The following PPP1R12B variants were observed in gnomAD, a reference collection of about 807,000 sequenced individuals.
The protein encoded by PPP1R12B is protein phosphatase 1 regulatory subunit 12B, also known as myosin phosphatase target subunit 2.
PPP1R12B carries 76 observed loss-of-function variants against 126.1 expected under a neutral mutation model. The ratio of observed to expected loss-of-function variants is 0.60; its 90% CI spans 0.50 to 0.73. The LOEUF is 0.73. PPP1R12B is among the 30% of genes least tolerant of loss of function. The probability of loss-of-function intolerance (pLI) is 0.00; values close to 1 mark genes in which losing one functional copy is unlikely to be tolerated. For synonymous variants in PPP1R12B, 356 were observed against 434.7 expected (o/e 0.82, Z 2.25); for missense variants, 1,052 against 1,205.1 (o/e 0.87, Z 1.88).
intron 13 of PPP1R12B, among the ~76,000 whole-genome samples, chr1:202,483,097 G>A (rs1677615416): frequency 6.6e-6 from 1 of 151,986 alleles, no homozygotes; most frequent in Non-Finnish European, 1.5e-5. Flanking sequence ...TGTTCCATTG[G>A]TCTACGTGTC....
Position 202,582,755 on chromosome 1 carries a change from G to A in PPP1R12B, c.*2195G>A, listed in dbSNP as rs2149047009. ...AAAAAATTAGCCAGGCGTGGTGGCA[G>A]GCGCCTGTAGTCCCAGCTACTCAGG... On this transcript the variant is annotated 3_prime_UTR_variant, in exon 24 of 24. Coordinates refer to ENST00000608999, the MANE Select transcript of PPP1R12B (RefSeq NM_002481.4). 1 of 152,266 alleles carries A rather than the reference G, an allele frequency of 6.6e-6. No individual in the cohort carries two copies. Among genetic ancestry groups the A allele is most frequent in the Admixed American group, 6.5e-5 (1 of 15,288 alleles). The allele number at this position is 152,266 out of a possible 1,614,324, so 9.4% of individuals were successfully genotyped here. A position where few individuals can be genotyped will look rare whatever the true frequency, so the allele number is the denominator to read the frequency against.
At chr1:202,548,116 A>C (rs1685840690) in intron 18 of PPP1R12B, among the ~76,000 whole-genome samples, 1 of 152,236 alleles carries the variant, frequency 6.6e-6, no homozygotes, top group Non-Finnish European at 1.5e-5. Flanking sequence ...CACATAACTT[A>C]GTAAATGCTG....
At chr1:202,498,883 T>C (rs1679877848) in intron 18 of PPP1R12B, among the ~76,000 whole-genome samples, 4 of 152,204 alleles carry the variant, frequency 2.6e-5, no homozygotes, top group Admixed American at 2.6e-4. Flanking sequence ...TTTAGTTCAA[T>C]AAAACTATAT....
At chr1:202,468,914 C>T (rs1273252027) in intron 13 of PPP1R12B, among the ~76,000 whole-genome samples, 7 of 152,012 alleles carry the variant, frequency 4.6e-5, no homozygotes, top group Non-Finnish European at 8.8e-5. Flanking sequence ...GCCTGGGTGA[C>T]AGAGCAAGAT....
chr1:202,497,881 T>C lies in PPP1R12B; in HGVS notation c.2490+1059T>C, dbSNP rs188995027. 1.7e-3 allele frequency among the ~76,000 whole-genome samples: 262 copies of C among 152,088 alleles called. 4 individuals carry two copies. In the South Asian group the frequency reaches 0.028, roughly 16 times the overall value. On this transcript the variant is annotated intron_variant, in intron 18 of 23. Transcript: ENST00000608999. ...GAAAGGCTTTTGGAGATAGGAAGAG[T>C]GAATATAGGAAAGTTCCTTTGGGGA... is the stretch of plus-strand genomic sequence containing the variant.
chr1:202,586,925 G>C lies in PPP1R12B; in HGVS notation c.*6365G>C, dbSNP rs573292902. The C allele has an allele frequency of 6.6e-6, 1 of 152,338 alleles. No individual in the cohort carries two copies. The highest frequency in any genetic ancestry group is 2.1e-4 in the South Asian group (1 of 4,830). 9.4% of individuals were successfully genotyped at this position (152,338 alleles called of 1,614,324 possible). A position where few individuals can be genotyped will look rare whatever the true frequency, so the allele number is the denominator to read the frequency against. Reference sequence around the variant, plus strand: ...TCACATGCACATTTGCTAGCCCAGAGCTTTTAAAATGAGGTCTGGCATATA... The same window carrying C: ...TCACATGCACATTTGCTAGCCCAGACCTTTTAAAATGAGGTCTGGCATATA... On this transcript the variant is annotated 3_prime_UTR_variant, in exon 24 of 24. Transcript: ENST00000608999.
chr1:202,553,275 A>G, intron 18 of PPP1R12B, among the ~76,000 whole-genome samples: 1 of 152,132 alleles, frequency 6.6e-6, no homozygotes. Flanking sequence ...CATTTACATT[A>G]TCTGTTGTCC....
At position 202,439,187 on chromosome 1, in the gene PPP1R12B, G is replaced by A. The variant is rs535459422; in HGVS notation, c.1458+1163G>A. ...CCTGGCGGCCTCGCAGCTGAAGCTC[G>A]ACCACTACTGCGCAGCCCTGTGCTC... On this transcript the variant is annotated intron_variant, in intron 10 of 23. Coordinates refer to ENST00000608999, the MANE Select transcript of PPP1R12B (RefSeq NM_002481.4). 185 of 1,525,086 alleles carry A rather than the reference G, an allele frequency of 1.2e-4. No homozygotes were observed. The African/African-American group carries it at 1.5e-3, about 12-fold the overall frequency. The allele number at this position is 1,525,086 out of a possible 1,614,324, so 94.5% of individuals were successfully genotyped here.
At chr1:202,397,189 C>T (rs1665113843) in intron 1 of PPP1R12B, among the ~76,000 whole-genome samples, 1 of 152,064 alleles carries the variant, frequency 6.6e-6, no homozygotes, top group African/African-American at 2.4e-5. Flanking sequence ...TGCTCTTTCC[C>T]GATTACTGCA....
chr1:202,537,509 G>A (rs1057432957), intron 18 of PPP1R12B, among the ~76,000 whole-genome samples: 17 of 152,230 alleles, frequency 1.1e-4, no homozygotes, highest in African/African-American at 4.1e-4. Context: ...GTGTGGTTGA[G>A]AGGATCAGGT....
intron 1 of PPP1R12B, among the ~76,000 whole-genome samples, chr1:202,360,245 A>C (rs1245558778): frequency 6.6e-6 from 1 of 152,198 alleles, no homozygotes; most frequent in African/African-American, 2.4e-5. Flanking sequence ...ATGTCAGGTT[A>C]TCTCTCTTTG....
At chr1:202,470,032 C>G (rs1187755750) in intron 13 of PPP1R12B, among the ~76,000 whole-genome samples, 4 of 152,172 alleles carry the variant, frequency 2.6e-5, no homozygotes, top group South Asian at 4.1e-4. Flanking sequence ...CCAGATACCC[C>G]CTTTTTCCCC....
At chr1:202,544,545 G>A (rs1357428252) in intron 18 of PPP1R12B, among the ~76,000 whole-genome samples, 7 of 152,160 alleles carry the variant, frequency 4.6e-5, no homozygotes, top group African/African-American at 1.4e-4. Context: ...AATAAATCTT[G>A]AAGTAAGTGG....
At chr1:202,510,177 A>G (rs997837875) in intron 18 of PPP1R12B, among the ~76,000 whole-genome samples, 2 of 152,174 alleles carry the variant, frequency 1.3e-5, no homozygotes, top group South Asian at 2.1e-4. Context: ...TTTATGTATC[A>G]TTTCTGGAGT....
At position 202,387,463 on chromosome 1, in the gene PPP1R12B, G is replaced by A. The variant is rs11808056; in HGVS notation, c.292-29324G>A. Among the ~76,000 whole-genome samples the A allele has an allele frequency of 7.1e-3, 1,074 of 152,180 alleles. 12 individuals are homozygous for A. Among genetic ancestry groups the A allele is most frequent in the African/African-American group, 0.025 (1,025 of 41,508 alleles). On this transcript the variant is annotated intron_variant, in intron 1 of 23. Coordinates refer to ENST00000608999, the MANE Select transcript of PPP1R12B (RefSeq NM_002481.4). ...TCTCTGTTGGTATACTGCTATTTCA[G>A]GTTCATTTGAATTAATCTCTGAGGT...
intron 13 of PPP1R12B, among the ~76,000 whole-genome samples, chr1:202,450,399 C>G (rs1672790466): frequency 6.6e-6 from 1 of 152,110 alleles, no homozygotes; most frequent in Admixed American, 6.5e-5. Flanking sequence ...GAAAATGTGA[C>G]CGAGCAAGAA....
chr1:202,548,800 CTCTCTCTCTATA>C (rs1279785275), intron 18 of PPP1R12B, among the ~76,000 whole-genome samples: 2,928 of 104,382 alleles, frequency 0.028, 34 homozygotes, highest in Admixed American at 0.052. Flanking sequence ...CTCTCTCTCT[CTCTCTCTCTATA>C]TATATATATA....
Position 202,548,514 on chromosome 1 carries a change from G to T in PPP1R12B, c.2491-10363G>T, listed in dbSNP as rs746353530. On this transcript the variant is annotated intron_variant, in intron 18 of 23. Transcript: ENST00000608999. ...TAGCTGGGACTATAGGTGTGCTGGGGCCTCACCAACTTGTTGACCAAGCTG... is the reference window on the plus strand; with the variant it reads ...TAGCTGGGACTATAGGTGTGCTGGGTCCTCACCAACTTGTTGACCAAGCTG... Among the ~76,000 whole-genome samples, 30 of 151,892 alleles carry T rather than the reference G, an allele frequency of 2.0e-4. 1 individual carries two copies. The highest frequency in any genetic ancestry group is 1.2e-3 in the Admixed American group (18 of 15,250).
intron 18 of PPP1R12B, among the ~76,000 whole-genome samples, chr1:202,555,798 A>G (rs1572493986): frequency 6.6e-6 from 1 of 152,124 alleles, no homozygotes; most frequent in Non-Finnish European, 1.5e-5. Flanking sequence ...ATTTGGTTAC[A>G]TGTGAATTCA....
Sources: gnomAD v4.1 joint callset for allele counts (sites outside exome capture counted in the v4.1 genomes callset) on GRCh38, gnomAD v4.1.1 for gene constraint, MANE v1.5 for transcripts, NCBI Gene and HGNC (gene_info 2026-07-23, HGNC 2026-07-21) for gene names.